The following DMGDH variants were observed in gnomAD, a reference collection of about 807,000 sequenced individuals.
DMGDH encodes the protein dimethylglycine dehydrogenase, mitochondrial.
A neutral mutation model predicts 95.2 loss-of-function variants in DMGDH; 76 were observed. The observed-to-expected ratio is 0.80, with a 90% CI of 0.66 to 0.97. The LOEUF (loss-of-function observed/expected upper bound fraction) is 0.97, where lower values mean the gene tolerates loss of function less well. Among genes scored for constraint, DMGDH ranks in the 50% least tolerant of loss-of-function variants. The probability of loss-of-function intolerance (pLI) is 0.00; values close to 1 mark genes in which losing one functional copy is unlikely to be tolerated. For synonymous variants in DMGDH, 345 were observed against 377.6 expected (o/e 0.91, Z 1.00); for missense variants, 987 against 1,055.0 (o/e 0.94, Z 0.89).
chr5:79,026,714 C>G, intron 12 of DMGDH, 133 bp from the exon 13 acceptor site: 1 of 1,362,460 alleles, frequency 7.3e-7, no homozygotes, highest in Non-Finnish European at 1.0e-6. Context: ...TCTAAAAAGA[C>G]CAGCTCACAA....
intron 13 of DMGDH, 106 bp downstream of exon 13, chr5:79,026,318 A>C: frequency 2.1e-6 from 3 of 1,428,446 alleles, no homozygotes; most frequent in Non-Finnish European, 2.9e-6. Flanking sequence ...ATGATATGTA[A>C]TTTCTCTTAC....
chr5:78,998,625 G>A (rs867156795), intron 15 of DMGDH, among the ~76,000 whole-genome samples: 2 of 152,150 alleles, frequency 1.3e-5, no homozygotes, highest in East Asian at 3.8e-4. Context: ...TGAGGCAGGC[G>A]GATCATTTGA....
rs1039325694 is a variant in DMGDH, at chr5:79,069,587, G to A, written c.34C>T (p.Leu12Phe). ...LRPGAQLLRG[L>F]LLRSCPLQGS... ...TGCAGCGGGCAGCTCCGCAGCAGGA[G>A]GCCCCGCAGCAGCTGCGCGCCGGGA... is the stretch of plus-strand genomic sequence containing the variant. Residue 12 changes from leucine to phenylalanine, a missense_variant, in exon 1 of 16, where the codon CTC becomes TTC. Coordinates refer to ENST00000255189, the MANE Select transcript of DMGDH (RefSeq NM_013391.3). 1 of 1,362,970 alleles carries A rather than the reference G, an allele frequency of 7.3e-7. No homozygotes were observed. The highest frequency in any genetic ancestry group is 9.5e-7 in the Non-Finnish European group (1 of 1,057,146). 84.4% of individuals were successfully genotyped at this position (1,362,970 alleles called of 1,614,324 possible).
rs541701767 is a variant in DMGDH at position 79,039,520 on chromosome 5, A to T, written c.1193+2763T>A. Among the ~76,000 whole-genome samples the T allele has an allele frequency of 9.9e-5, 15 of 152,252 alleles. No individual in the cohort carries two copies. The South Asian group carries it at 1.2e-3, about 13-fold the overall frequency. On this transcript the variant is annotated intron_variant, in intron 7 of 15. Coordinates refer to ENST00000255189, the MANE Select transcript of DMGDH (RefSeq NM_013391.3). ...GGAATTGAACAATGAGAACACATGGACACAGGAAGGGGAACATCACACTCT... is the reference window on the plus strand; with the variant it reads ...GGAATTGAACAATGAGAACACATGGTCACAGGAAGGGGAACATCACACTCT...
chr5:79,032,825 T>G lies in DMGDH; in HGVS notation c.1379A>C (p.Glu460Ala), dbSNP rs1191363186. 1 of 1,614,196 alleles carries G rather than the reference T, an allele frequency of 6.2e-7. No individual in the cohort carries two copies. Among genetic ancestry groups the G allele is most frequent in the South Asian group, 1.1e-5 (1 of 91,086 alleles). ...AGTCGGCCTCCCAGCAAACCGTTCT[T>G]CTTTAGGATAACCAACTGAAAAGGA... ...GFNNIVGYPK[E>A]ERFAGRPTQR... Residue 460 changes from glutamate to alanine, a missense_variant, in exon 9 of 16, where the codon GAA becomes GCA. Coordinates refer to ENST00000255189, the MANE Select transcript of DMGDH (RefSeq NM_013391.3).
chr5:79,065,669 C>A (rs772621248), intron 1 of DMGDH, among the ~76,000 whole-genome samples: 4 of 152,172 alleles, frequency 2.6e-5, no homozygotes, highest in Non-Finnish European at 4.4e-5. Context: ...AAACCAGTAG[C>A]ACAGTGATTT....
intron 4 of DMGDH, among the ~76,000 whole-genome samples, chr5:79,053,596 T>G (rs1245585534): frequency 6.6e-6 from 1 of 152,188 alleles, no homozygotes; most frequent in African/African-American, 2.4e-5. Flanking sequence ...TACATAAATA[T>G]GTGCTACAGT....
At chr5:79,014,491 C>T (rs1333856221) in intron 14 of DMGDH, among the ~76,000 whole-genome samples, 3 of 152,084 alleles carry the variant, frequency 2.0e-5, no homozygotes, top group East Asian at 1.9e-4. Context: ...AAGCATAGCA[C>T]TTAAGCCTAA....
At position 79,032,694 on chromosome 5, in the gene DMGDH, G is replaced by T; in HGVS notation, c.1510C>A (p.Gln504Lys). The T allele has an allele frequency of 6.2e-7, 1 of 1,614,132 alleles. No homozygotes were observed. The highest frequency in any genetic ancestry group is 8.5e-7 in the Non-Finnish European group (1 of 1,180,022). ...HWFYKPGQDT[Q>K]YRPSFRRTNW... Reference sequence around the variant, plus strand: ...GTAAAGTCCTTCTCCCACCTGTACTGAGTGTCCTGGCCTGGTTTGTAGAAC... The same window carrying T: ...GTAAAGTCCTTCTCCCACCTGTACTTAGTGTCCTGGCCTGGTTTGTAGAAC... Residue 504 changes from glutamine to lysine, a missense_variant, in exon 9 of 16, where the codon CAG becomes AAG. Gln to Lys is a moderately conservative substitution (Grantham distance 53, BLOSUM62 1). Transcript: ENST00000255189.
rs1753715867 is a variant in DMGDH, at chr5:79,015,518, T to C, written c.2250+8753A>G. On this transcript the variant is annotated intron_variant, in intron 14 of 15. Coordinates refer to ENST00000255189, the MANE Select transcript of DMGDH (RefSeq NM_013391.3). ...CTTCATAATGAGGGCCCAGGACTTT[T>C]CAAGTATCATCTTTTGACATTACTT... Among the ~76,000 whole-genome samples, 3 of 152,334 alleles carry C rather than the reference T, an allele frequency of 2.0e-5. No individual in the cohort carries two copies. In the South Asian group the frequency reaches 6.2e-4, roughly 32 times the overall value.
At chr5:79,035,044 G>A (rs1445621873) in intron 7 of DMGDH, among the ~76,000 whole-genome samples, 3 of 107,632 alleles carry the variant, frequency 2.8e-5, no homozygotes, top group Admixed American at 1.2e-4. Context: ...GAGACACAGC[G>A]AGACTCCATC....
At chr5:79,015,161 C>T (rs1317576484) in intron 14 of DMGDH, among the ~76,000 whole-genome samples, 1 of 152,246 alleles carries the variant, frequency 6.6e-6, no homozygotes, top group East Asian at 1.9e-4. Flanking sequence ...CACCCACACC[C>T]CTCCACCTGT....
chr5:79,037,667 A>C (rs917789267), intron 7 of DMGDH, among the ~76,000 whole-genome samples: 1 of 152,266 alleles, frequency 6.6e-6, no homozygotes, highest in African/African-American at 2.4e-5. Flanking sequence ...TGTGATTTCT[A>C]GGTTATAAGT....
chr5:79,025,277 T>C (rs895795861), intron 13 of DMGDH, among the ~76,000 whole-genome samples: 1 of 152,162 alleles, frequency 6.6e-6, no homozygotes, highest in African/African-American at 2.4e-5. Flanking sequence ...GAGAAATGTC[T>C]GACTCCCAAA....
At chr5:79,025,579 T>C (rs531315890) in intron 13 of DMGDH, among the ~76,000 whole-genome samples, 16 of 152,306 alleles carry the variant, frequency 1.1e-4, no homozygotes, top group African/African-American at 3.9e-4. Context: ...AAAAAATCCA[T>C]TTTTTAGAAA....
Position 79,005,371 on chromosome 5 carries a change from T to A in DMGDH, c.2287A>T (p.Ile763Phe). ...DFIGKQALKQ[I>F]KAKGLKRRLV... ...CTTCGTTTCAGCCCCTTGGCTTTAA[T>A]CTGTTTCAGTGCTTGCTTTCCTATG... The change falls in exon 15 of 16, where the codon ATT (isoleucine) becomes TTT (phenylalanine). Residue 763 changes from isoleucine to phenylalanine, a missense_variant. Ile to Phe is a conservative substitution (Grantham distance 21). Coordinates refer to ENST00000255189, the MANE Select transcript of DMGDH (RefSeq NM_013391.3). The A allele has an allele frequency of 6.2e-7, 1 of 1,614,100 alleles. No homozygotes were observed. Among genetic ancestry groups the A allele is most frequent in the Non-Finnish European group, 8.5e-7 (1 of 1,180,012 alleles).
Position 79,044,508 on chromosome 5 carries a change from G to T in DMGDH, c.790C>A (p.Pro264Thr), listed in dbSNP as rs1272065738. ...TATTGATGTTGAACCGGAATGAGAG[G>T]ATGTTCTAGTCCAATCATTTTACCT... ...EVGKMIGLEH[P>T]LIPVQHQYVV... The change falls in exon 6 of 16, where the codon CCT (proline) becomes ACT (threonine). Residue 264 changes from proline to threonine, a missense_variant. Physicochemically the swap from Pro to Thr is conservative, Grantham distance 38. Transcript: ENST00000255189. 1 of 1,613,982 alleles carries T rather than the reference G, an allele frequency of 6.2e-7. No homozygotes were observed. The highest frequency in any genetic ancestry group is 1.3e-5 in the African/African-American group (1 of 74,896).
In DMGDH at chr5:79,029,928, G is replaced by C; in HGVS notation, c.1790C>G (p.Ser597Cys). 1 of 1,614,014 alleles carries C rather than the reference G, an allele frequency of 6.2e-7. No homozygotes were observed. Among genetic ancestry groups the C allele is most frequent in the Non-Finnish European group, 8.5e-7 (1 of 1,179,958 alleles). Residue 597 changes from serine to cysteine, a missense_variant, in exon 11 of 16, where the codon TCT (serine) becomes TGT (cysteine). Ser to Cys is a moderately radical substitution (Grantham distance 112). Coordinates refer to ENST00000255189, the MANE Select transcript of DMGDH (RefSeq NM_013391.3). ...SPGEFLLITGSGSELHDLRWI... is the reference protein window; with the variant it reads ...SPGEFLLITGCGSELHDLRWI... ...CCTAAGATCATGAAGTTCTGATCCAGAGCCAGTAATTAAAAGAAACTCCCC... is the reference window on the plus strand; with the variant it reads ...CCTAAGATCATGAAGTTCTGATCCACAGCCAGTAATTAAAAGAAACTCCCC...
intron 14 of DMGDH, among the ~76,000 whole-genome samples, chr5:79,018,219 T>C (rs1753777731): frequency 6.6e-6 from 1 of 152,108 alleles, no homozygotes; most frequent in African/African-American, 2.4e-5. Context: ...GGCTAATTTT[T>C]TGTGGAGATG....
Sources: allele counts gnomAD v4.1 joint callset (sites outside exome capture counted in the v4.1 genomes callset), GRCh38; gene constraint gnomAD v4.1.1; transcripts MANE v1.5; gene names NCBI Gene and HGNC (gene_info 2026-07-23, HGNC 2026-07-21).